PTPRK: variants seen among roughly 807,000 people sequenced by gnomAD.
The protein encoded by PTPRK is receptor-type tyrosine-protein phosphatase kappa.
PTPRK carries 75 observed loss-of-function variants against 178.0 expected under a neutral mutation model. That is an observed-to-expected ratio of 0.42 (90% confidence interval 0.35 to 0.51). PTPRK has a LOEUF of 0.51. PTPRK is among the 20% of genes least tolerant of loss of function. The probability of loss-of-function intolerance (pLI) is 0.02; values close to 1 mark genes in which losing one functional copy is unlikely to be tolerated. For synonymous variants in PTPRK, 637 were observed against 620.6 expected, an observed-to-expected ratio of 1.03 and a Z score of -0.39; for missense variants, 1,441 against 1,797.8, an observed-to-expected ratio of 0.80 and a Z score of 3.59.
rs964614746 is a variant in PTPRK, at chr6:128,408,214, C to T, written c.101-10526G>A. Among the ~76,000 whole-genome samples, 6 of 152,036 alleles carry T rather than the reference C, an allele frequency of 3.9e-5. No homozygotes were observed. In the East Asian group the frequency reaches 1.2e-3, roughly 29 times the overall value. ...ACCAGCCTGGCCAACATGGTGAAAC[C>T]CCATCTCTACTAAAAATACAAGAAA... On this transcript the variant is annotated intron_variant, in intron 1 of 29. Transcript: ENST00000368226.
At chr6:128,201,247 G>A (rs560731283) in intron 6 of PTPRK, among the ~76,000 whole-genome samples, 4 of 152,194 alleles carry the variant, frequency 2.6e-5, no homozygotes, top group African/African-American at 9.6e-5. Flanking sequence ...CATAATTCTT[G>A]ACATAAAATC....
intron 15 of PTPRK, 107 bp from the exon 16 acceptor site, chr6:127,999,011 C>T (rs2114684482): frequency 2.1e-6 from 2 of 963,058 alleles, no homozygotes; most frequent in East Asian, 5.5e-5. Flanking sequence ...TTTCTGATAA[C>T]AAGAGGAATT....
chr6:128,429,797 A>G (rs191826393), intron 1 of PTPRK, among the ~76,000 whole-genome samples: 39 of 152,308 alleles, frequency 2.6e-4, no homozygotes, highest in African/African-American at 8.9e-4. Flanking sequence ...TGCATTATTA[A>G]TTAGATAATT....
intron 7 of PTPRK, among the ~76,000 whole-genome samples, chr6:128,135,190 T>A (rs1794849024): frequency 6.6e-6 from 1 of 152,066 alleles, no homozygotes; most frequent in African/African-American, 2.4e-5. Context: ...CTCTATTTAG[T>A]CTTAGATAAG....
chr6:128,088,535 A>G (rs1786364590), intron 8 of PTPRK, among the ~76,000 whole-genome samples: 1 of 152,156 alleles, frequency 6.6e-6, no homozygotes, highest in Non-Finnish European at 1.5e-5. Context: ...AGTTCACCAT[A>G]TGGCACACTT....
At chr6:128,320,848 T>C (rs1456829940) in intron 3 of PTPRK, among the ~76,000 whole-genome samples, 3 of 152,210 alleles carry the variant, frequency 2.0e-5, no homozygotes, top group Non-Finnish European at 4.4e-5. Context: ...CTGTGGACCC[T>C]GAAAAAGCAG....
At chr6:128,388,234 C>T (rs992813865) in intron 2 of PTPRK, among the ~76,000 whole-genome samples, 4 of 152,054 alleles carry the variant, frequency 2.6e-5, no homozygotes, top group African/African-American at 7.2e-5. Context: ...AAGGAGGAGA[C>T]AACTAAGAAC....
intron 1 of PTPRK, among the ~76,000 whole-genome samples, chr6:128,456,056 C>T (rs9491952): frequency 0.11 from 16,423 of 151,958 alleles, 1,375 homozygotes; most frequent in African/African-American, 0.24. Context: ...CTCTTTTCAG[C>T]TTGTTTTATC....
intron 2 of PTPRK, among the ~76,000 whole-genome samples, chr6:128,348,610 A>G (rs2128335837): frequency 6.6e-6 from 1 of 152,182 alleles, no homozygotes; most frequent in East Asian, 1.9e-4. Flanking sequence ...TAGTTTGTTA[A>G]CAAATGTATG....
chr6:128,130,063 G>A (rs1304432939), intron 7 of PTPRK, among the ~76,000 whole-genome samples: 15 of 152,092 alleles, frequency 9.9e-5, no homozygotes, highest in Non-Finnish European at 2.2e-4. Context: ...TTAGAGTTAT[G>A]ATATGGTATA....
At chr6:128,350,303 G>A (rs1240888434) in intron 2 of PTPRK, among the ~76,000 whole-genome samples, 1 of 152,174 alleles carries the variant, frequency 6.6e-6, no homozygotes, top group Non-Finnish European at 1.5e-5. Context: ...TAATTTTAAA[G>A]CCTTCAGTGT....
intron 8 of PTPRK, among the ~76,000 whole-genome samples, chr6:128,084,535 C>A (rs1017185183): frequency 3.3e-5 from 5 of 152,136 alleles, no homozygotes; most frequent in Non-Finnish European, 7.4e-5. Flanking sequence ...ACTCAACGAT[C>A]TGCACAACTA....
At chr6:128,083,609 C>T (rs941753855) in intron 9 of PTPRK, 106 bp downstream of exon 9, 2 of 517,192 alleles carry the variant, frequency 3.9e-6, no homozygotes, top group East Asian at 3.2e-5. Context: ...TTTTAATCCC[C>T]TAATCCTCAT....
intron 6 of PTPRK, among the ~76,000 whole-genome samples, chr6:128,188,471 C>T (rs184347566): frequency 5.9e-5 from 9 of 152,182 alleles, no homozygotes; most frequent in Admixed American, 5.2e-4. Flanking sequence ...ATTTAATTTC[C>T]CAATTAGATA....
At chr6:128,182,792 T>G (rs1209073276) in intron 7 of PTPRK, among the ~76,000 whole-genome samples, 1 of 152,114 alleles carries the variant, frequency 6.6e-6, no homozygotes, top group African/African-American at 2.4e-5. Flanking sequence ...TTACATGCAA[T>G]CTCCATGGCT....
chr6:128,369,852 G>A (rs1836021318), intron 2 of PTPRK, among the ~76,000 whole-genome samples: 1 of 152,050 alleles, frequency 6.6e-6, no homozygotes, highest in Admixed American at 6.6e-5. Flanking sequence ...AATGATGGGA[G>A]GTAAGAGGAT....
In PTPRK at chr6:128,398,242, T is replaced by C. The variant is rs370134570; in HGVS notation, c.101-554A>G. Reference sequence around the variant, plus strand: ...TGGTGTTCACCTCATGTAAATGAAGTGGTGGCCCGCAATCAACATTTTACA... The same window carrying C: ...TGGTGTTCACCTCATGTAAATGAAGCGGTGGCCCGCAATCAACATTTTACA... On this transcript the variant is annotated intron_variant, in intron 1 of 29. Transcript: ENST00000368226. 3.9e-5 allele frequency among the ~76,000 whole-genome samples: 6 copies of C among 152,308 alleles called. No individual in the cohort carries two copies. In the South Asian group the frequency reaches 1.2e-3, roughly 32 times the overall value.
intron 29 of PTPRK, among the ~76,000 whole-genome samples, chr6:127,971,654 G>C (rs759798309): frequency 6.6e-6 from 1 of 152,050 alleles, no homozygotes; most frequent in African/African-American, 2.4e-5. Context: ...GGATTCACGG[G>C]ACATGAATGT....
rs1858754032 is a variant in PTPRK at position 128,519,910 on chromosome 6, C to T, written c.100+349G>A. 6.6e-6 allele frequency among the ~76,000 whole-genome samples: 1 copy of T among 152,188 alleles called. No homozygotes were observed. Among genetic ancestry groups the T allele is most frequent in the South Asian group, 2.1e-4 (1 of 4,832 alleles). ...CAAGTGGCAGACAGCAACAAACCCG[C>T]ACCACAAGCAACAGAGTGCCGTCAC... On this transcript the variant is annotated intron_variant, in intron 1 of 29. Coordinates refer to ENST00000368226, the MANE Select transcript of PTPRK (RefSeq NM_002844.4). This position sits in a 1 kb window ranked among gnomAD's most constrained non-coding sequence, Gnocchi z 4.3.
Sources: gnomAD v4.1 joint callset for allele counts (sites outside exome capture counted in the v4.1 genomes callset) on GRCh38, gnomAD v4.1.1 for gene constraint, Gnocchi (gnomAD v3.1) non-coding constraint, MANE v1.5 for transcripts, NCBI Gene and HGNC (gene_info 2026-07-23, HGNC 2026-07-21) for gene names.